MAST4: variants seen among roughly 807,000 people sequenced by gnomAD.
MAST4 encodes microtubule-associated serine/threonine-protein kinase 4.
A neutral mutation model predicts 162.7 loss-of-function variants in MAST4; 89 were observed. The observed-to-expected ratio is 0.55, with a 90% CI of 0.46 to 0.65. The LOEUF (loss-of-function observed/expected upper bound fraction) is 0.65, where lower values mean the gene tolerates loss of function less well. Among genes scored for constraint, MAST4 ranks in the 30% least tolerant of loss-of-function variants. MAST4 has a pLI of 0.00. For missense variants in MAST4, 3,153 were observed against 3,374.0 expected, an observed-to-expected ratio of 0.93 and a Z score of 1.62; for synonymous variants, 1,479 against 1,361.1, an observed-to-expected ratio of 1.09 and a Z score of -1.91.
At chr5:67,145,468 T>A in intron 23 of MAST4, 89 bp downstream of exon 23, 2 of 1,024,936 alleles carry the variant, frequency 2.0e-6, no homozygotes, top group Non-Finnish European at 2.9e-6. Flanking sequence ...CGCCAGGCAG[T>A]AAAGATGGGT....
intron 4 of MAST4, among the ~76,000 whole-genome samples, chr5:66,947,297 T>C (rs1360590114): frequency 6.6e-6 from 1 of 152,176 alleles, no homozygotes; most frequent in Non-Finnish European, 1.5e-5. Flanking sequence ...TGCCTGATCC[T>C]GACATGTCAA....
rs542338151 is a variant in MAST4 at position 67,024,231 on chromosome 5, G to A, written c.675-30173G>A. Among the ~76,000 whole-genome samples, 7 of 151,050 alleles carry A rather than the reference G, an allele frequency of 4.6e-5. No homozygotes were observed. The South Asian group carries it at 1.5e-3, about 32-fold the overall frequency. The stretch of plus-strand genomic sequence containing the variant: ...TTCATCCATGTTGTAGAATGTCTTG[G>A]AATTTTCTTCCTTGTTTCTGGCTGA... On this transcript the variant is annotated intron_variant, in intron 4 of 28. Coordinates refer to ENST00000403625, the MANE Select transcript of MAST4 (RefSeq NM_001164664.2).
At chr5:66,625,726 A>G (rs1010025040) in intron 1 of MAST4, among the ~76,000 whole-genome samples, 1 of 152,230 alleles carries the variant, frequency 6.6e-6, no homozygotes. Context: ...GGAAAACAGT[A>G]TGGAAATTCC....
chr5:66,868,040 G>C (rs1468093411), intron 3 of MAST4, among the ~76,000 whole-genome samples: 1 of 152,220 alleles, frequency 6.6e-6, no homozygotes, highest in Non-Finnish European at 1.5e-5. Context: ...CCTGAACACA[G>C]AAAGCTATGT....
chr5:66,751,545 C>T (rs554815190), intron 1 of MAST4, among the ~76,000 whole-genome samples: 21 of 151,756 alleles, frequency 1.4e-4, no homozygotes, highest in African/African-American at 4.4e-4. Context: ...AGGGTGTCAG[C>T]GATGGAAGAT....
At chr5:66,915,843 CCAGAGTTAA>C (rs1317545928) in intron 4 of MAST4, among the ~76,000 whole-genome samples, 1 of 152,152 alleles carries the variant, frequency 6.6e-6, no homozygotes, top group Non-Finnish European at 1.5e-5. Context: ...CCTGAGGTTT[CCAGAGTTAA>C]TGGAAGAAGA....
intron 2 of MAST4, 63 bp from the exon 3 acceptor site, chr5:66,788,607 C>CCCCCCA: frequency 1.5e-5 from 21 of 1,373,720 alleles, no homozygotes; most frequent in South Asian, 7.0e-5. Flanking sequence ...CCCCCACCCC[C>CCCCCCA]ATTGCAATAA....
intron 3 of MAST4, among the ~76,000 whole-genome samples, chr5:66,866,194 C>A (rs567993249): frequency 8.6e-6 from 1 of 116,436 alleles, no homozygotes; most frequent in Non-Finnish European, 2.0e-5. Context: ...AGTTAGCTGC[C>A]GTCGTAGGGT....
In MAST4 at chr5:67,121,072, C is replaced by T. The variant is rs367779827; in HGVS notation, c.1715C>T (p.Thr572Met). Residue 572 changes from threonine (T) to methionine (M), a missense_variant, in exon 14 of 29, where the codon ACG (threonine) becomes ATG (methionine). Transcript: ENST00000403625. Reference protein sequence around the residue: ...RRKPRESDFETIKLISNGAYG... With the variant: ...RRKPRESDFEMIKLISNGAYG... ...AAACCTCGGGAAAGTGATTTTGAAA[C>T]GATTAAATTGATTAGCAATGGAGCC... 1.8e-5 allele frequency: 29 copies of T among 1,609,974 alleles called. No homozygotes were observed. Among genetic ancestry groups the T allele is most frequent in the East Asian group, 2.2e-5 (1 of 44,794 alleles).
At chr5:67,024,301 A>G (rs560522751) in intron 4 of MAST4, among the ~76,000 whole-genome samples, 2 of 148,180 alleles carry the variant, frequency 1.3e-5, no homozygotes, top group Admixed American at 6.7e-5. Flanking sequence ...TTCAGCCTGA[A>G]ACAAGGAAGA....
intron 1 of MAST4, among the ~76,000 whole-genome samples, chr5:66,607,118 A>G (rs1742946855): frequency 6.6e-6 from 1 of 152,170 alleles, no homozygotes; most frequent in South Asian, 2.1e-4. Context: ...AGATACTGGG[A>G]CAAGGGCAGG....
At chr5:66,996,821 T>C (rs1750702372) in intron 4 of MAST4, among the ~76,000 whole-genome samples, 1 of 152,184 alleles carries the variant, frequency 6.6e-6, no homozygotes, top group Non-Finnish European at 1.5e-5. Context: ...TAGGACCAAC[T>C]CCTCATCTCA....
At chr5:66,998,892 C>G (rs1750961554) in intron 4 of MAST4, among the ~76,000 whole-genome samples, 1 of 152,216 alleles carries the variant, frequency 6.6e-6, no homozygotes, top group Admixed American at 6.5e-5. Flanking sequence ...AGAGGGATAT[C>G]TAATTCATTG....
At chr5:66,921,944 T>G (rs1244005561) in intron 4 of MAST4, among the ~76,000 whole-genome samples, 1 of 152,196 alleles carries the variant, frequency 6.6e-6, no homozygotes, top group Non-Finnish European at 1.5e-5. Flanking sequence ...GGTAAGATGG[T>G]ACCATCTTAG....
chr5:67,078,903 T>A (rs1218029364), intron 5 of MAST4, among the ~76,000 whole-genome samples: 2 of 54,558 alleles, frequency 3.7e-5, no homozygotes, highest in African/African-American at 1.6e-4. Flanking sequence ...TTTATATATT[T>A]TTATATAAAT....
intron 3 of MAST4, among the ~76,000 whole-genome samples, chr5:66,837,224 T>C (rs767903209): frequency 2.0e-5 from 3 of 152,160 alleles, no homozygotes; most frequent in Non-Finnish European, 2.9e-5. Flanking sequence ...TCAAATGAGG[T>C]ATGGAAAGCT....
At chr5:66,954,786 A>G (rs1297793600) in intron 4 of MAST4, among the ~76,000 whole-genome samples, 1 of 152,092 alleles carries the variant, frequency 6.6e-6, no homozygotes, top group African/African-American at 2.4e-5. Context: ...CTGTAGTTCC[A>G]GCTACTCAGG....
At chr5:66,984,912 GT>G (rs1268989726) in intron 4 of MAST4, among the ~76,000 whole-genome samples, 1 of 152,134 alleles carries the variant, frequency 6.6e-6, no homozygotes, top group Non-Finnish European at 1.5e-5. Flanking sequence ...TAAAAGTTTT[GT>G]TTTGTTTGTG....
chr5:66,936,982 A>G (rs1046003265), intron 4 of MAST4, among the ~76,000 whole-genome samples: 12 of 152,214 alleles, frequency 7.9e-5, no homozygotes, highest in African/African-American at 2.6e-4. Context: ...CTTTAATTAT[A>G]TCTCCCACTG....
Sources: gnomAD v4.1 joint callset for allele counts (sites outside exome capture counted in the v4.1 genomes callset) on GRCh38, gnomAD v4.1.1 for gene constraint, MANE v1.5 for transcripts, NCBI Gene and HGNC (gene_info 2026-07-23, HGNC 2026-07-21) for gene names.